Variants in SLC6A17 observed in about 807,000 individuals in gnomAD.
The protein encoded by SLC6A17 is solute carrier family 6 member 17.
Under a neutral mutation model 64.5 loss-of-function variants are expected in SLC6A17, and 21 were observed. That is an observed-to-expected ratio of 0.33 (90% confidence interval 0.23 to 0.47). SLC6A17 has a LOEUF of 0.47. SLC6A17 is among the 20% of genes least tolerant of loss of function. SLC6A17 has a pLI of 1.00. For missense variants in SLC6A17, 682 were observed against 963.2 expected (o/e 0.71, Z 3.86); for synonymous variants, 372 against 399.5 (o/e 0.93, Z 0.82).
chr1:110,159,873 A>T (rs1267804190), intron 1 of SLC6A17, among the ~76,000 whole-genome samples: 1 of 152,178 alleles, frequency 6.6e-6, no homozygotes, highest in Non-Finnish European at 1.5e-5. Flanking sequence ...TCAAAAATGG[A>T]TCAATTCATT....
At chr1:110,173,639 CCA>C (rs1285156524) in intron 3 of SLC6A17, among the ~76,000 whole-genome samples, 2 of 152,210 alleles carry the variant, frequency 1.3e-5, no homozygotes, top group African/African-American at 2.4e-5. Context: ...ATTACAATCC[CCA>C]GTCATCAGGA....
chr1:110,152,472 GA>G (rs1263900832), intron 1 of SLC6A17, among the ~76,000 whole-genome samples: 3 of 152,184 alleles, frequency 2.0e-5, no homozygotes, highest in Non-Finnish European at 2.9e-5. Flanking sequence ...TCGTGAGCAG[GA>G]ATGGCCTGAG....
intron 6 of SLC6A17, among the ~76,000 whole-genome samples, chr1:110,186,461 G>A (rs71665083): frequency 0.28 from 40,219 of 142,752 alleles, 6,473 homozygotes; most frequent in Non-Finnish European, 0.34. Flanking sequence ...AAAAAAAAAA[G>A]GAAAGAGAAG....
Position 110,201,771 on chromosome 1 carries a change from GCTGCTTTT to G in SLC6A17, c.*3332_*3339del. 1 of 152,456 alleles carries G rather than the reference GCTGCTTTT, an allele frequency of 6.6e-6. No homozygotes were observed. Among genetic ancestry groups the G allele is most frequent in the East Asian group, 1.9e-4 (1 of 5,186 alleles). 9.4% of individuals were successfully genotyped at this position (152,456 alleles called of 1,614,324 possible). ...GCCTGCAGTATTACCAGGCGGAGGG[GCTGCTTTT>G]CTGCCCTTCCTCACCCCCACGCCCC... On this transcript the variant is annotated 3_prime_UTR_variant, in exon 12 of 12. Transcript: ENST00000331565.
rs878959494 is a variant in SLC6A17, at chr1:110,173,878, T to G, written c.445-95T>G. On this transcript the variant is annotated intron_variant, in intron 3 of 11. Coordinates refer to ENST00000331565, the MANE Select transcript of SLC6A17 (RefSeq NM_001010898.4). ...TCTCTTGAGGCTGTGCTGCTGTGTT[T>G]ATGGCGCTGCCGACGTGCTGGGCCT... 17 of 1,533,612 alleles carry G rather than the reference T, an allele frequency of 1.1e-5. No individual in the cohort carries two copies. In the South Asian group the frequency reaches 2.1e-4, roughly 19 times the overall value.
At chr1:110,189,578 C>A (rs1237018858) in intron 6 of SLC6A17, among the ~76,000 whole-genome samples, 1 of 152,182 alleles carries the variant, frequency 6.6e-6, no homozygotes, top group Non-Finnish European at 1.5e-5. Context: ...TTCTTTAAAC[C>A]CCTCGGTGGC....
At chr1:110,160,512 C>T (rs987561929) in intron 1 of SLC6A17, among the ~76,000 whole-genome samples, 1 of 152,232 alleles carries the variant, frequency 6.6e-6, no homozygotes, top group Non-Finnish European at 1.5e-5. Flanking sequence ...AATGCACCTT[C>T]GCTCCTGCCT....
chr1:110,184,942 G>A (rs1451386177), intron 6 of SLC6A17, among the ~76,000 whole-genome samples: 5 of 152,154 alleles, frequency 3.3e-5, no homozygotes, highest in Non-Finnish European at 1.5e-5. Context: ...CTGAGGGATC[G>A]GGGTGTGCAT....
At chr1:110,195,147 A>G (rs1388056361) in intron 9 of SLC6A17, among the ~76,000 whole-genome samples, 1 of 152,118 alleles carries the variant, frequency 6.6e-6, no homozygotes. Flanking sequence ...CTGTGTCCAC[A>G]GTTCCCTTCG....
At chr1:110,190,019 G>A (rs576998481) in intron 6 of SLC6A17, among the ~76,000 whole-genome samples, 1 of 152,360 alleles carries the variant, frequency 6.6e-6, no homozygotes, top group East Asian at 1.9e-4. Flanking sequence ...AACTTGGAGA[G>A]CCTGATTGCT....
At position 110,181,482 on chromosome 1, in the gene SLC6A17, G is replaced by A. The variant is rs373133877; in HGVS notation, c.864+4743G>A. 2.5e-4 allele frequency among the ~76,000 whole-genome samples: 38 copies of A among 152,328 alleles called. No individual in the cohort carries two copies. The Middle Eastern group carries it at 0.014, about 55-fold the overall frequency. On this transcript the variant is annotated intron_variant, in intron 6 of 11. Coordinates refer to ENST00000331565, the MANE Select transcript of SLC6A17 (RefSeq NM_001010898.4). ...TGTTACGTGCACTGTTCCGAGTCAC[G>A]GGATCCAGCAGTGAACAAAGCAGAC... is the stretch of plus-strand genomic sequence containing the variant.
chr1:110,152,129 C>G (rs1655626568), intron 1 of SLC6A17, among the ~76,000 whole-genome samples: 1 of 152,204 alleles, frequency 6.6e-6, no homozygotes, highest in African/African-American at 2.4e-5. Context: ...GTGTCTCGTT[C>G]TGTGCTTACA....
intron 1 of SLC6A17, among the ~76,000 whole-genome samples, chr1:110,165,642 G>A (rs942360096): frequency 1.3e-5 from 2 of 152,194 alleles, no homozygotes; most frequent in Admixed American, 1.3e-4. Flanking sequence ...TCAGGCCTTG[G>A]CTGGGGTCAG....
rs1344244004 is a variant in SLC6A17 at position 110,174,866 on chromosome 1, G to C, written c.659G>C (p.Ser220Thr). ...GACATCTCTGACTCCATCTCGGAGA[G>C]TGGGGGCCTCAACTGGAAGATGACC... ...ALDISDSISE[S>T]GGLNWKMTLC... The change falls in exon 5 of 12, where the codon AGT becomes ACT. Residue 220 changes from serine (S) to threonine (T), a missense_variant. Physicochemically the swap from Ser to Thr is moderately conservative, Grantham distance 58. This residue lies in a region of SLC6A17 where 415 missense variants were observed against 603.8 expected (regional missense o/e 0.69). Coordinates refer to ENST00000331565, the MANE Select transcript of SLC6A17 (RefSeq NM_001010898.4). 1 of 1,614,118 alleles carries C rather than the reference G, an allele frequency of 6.2e-7. No homozygotes were observed. The highest frequency in any genetic ancestry group is 8.5e-7 in the Non-Finnish European group (1 of 1,180,058).
At chr1:110,189,904 C>T (rs369120304) in intron 6 of SLC6A17, among the ~76,000 whole-genome samples, 13 of 152,344 alleles carry the variant, frequency 8.5e-5, no homozygotes, top group African/African-American at 3.1e-4. Flanking sequence ...CTTATGGGCT[C>T]TCCAAGCACT....
intron 8 of SLC6A17, among the ~76,000 whole-genome samples, chr1:110,193,571 G>A (rs375501448): frequency 2.0e-5 from 3 of 152,234 alleles, no homozygotes; most frequent in South Asian, 4.1e-4. Flanking sequence ...ACTGGGGAAG[G>A]GGGTGCTTTC....
intron 2 of SLC6A17, among the ~76,000 whole-genome samples, chr1:110,170,914 G>A (rs1656207422): frequency 1.3e-5 from 2 of 152,060 alleles, no homozygotes; most frequent in South Asian, 4.1e-4. Context: ...CTGCCTCCCC[G>A]GCAGATCGTG....
At chr1:110,191,731 G>C (rs1224758473) in intron 6 of SLC6A17, among the ~76,000 whole-genome samples, 1 of 152,168 alleles carries the variant, frequency 6.6e-6, no homozygotes, top group African/African-American at 2.4e-5. Context: ...TAAGCACTCA[G>C]CATTTATGTT....
At chr1:110,174,126 C>T (rs529206165) in intron 4 of SLC6A17, 27 bp downstream of exon 4, 23 of 1,611,486 alleles carry the variant, frequency 1.4e-5, no homozygotes, top group South Asian at 6.6e-5. Flanking sequence ...GCTGGGGATG[C>T]CAGCCAGCCC....
Sources: allele counts gnomAD v4.1 joint callset (sites outside exome capture counted in the v4.1 genomes callset), GRCh38; gene constraint gnomAD v4.1.1; regional missense constraint gnomAD v4.1.1; transcripts MANE v1.5; gene names NCBI Gene and HGNC (gene_info 2026-07-23, HGNC 2026-07-21).